Variants in FARS2 observed in about 807,000 individuals in gnomAD.
The protein encoded by FARS2 is phenylalanine--tRNA ligase, mitochondrial.
Under a neutral mutation model 46.4 loss-of-function variants are expected in FARS2, and 40 were observed. The observed-to-expected ratio is 0.86, with a 90% confidence interval of 0.67 to 1.12. The LOEUF (loss-of-function observed/expected upper bound fraction) is 1.12. Ranked by LOEUF, FARS2 falls within the 50% of genes most tolerant of loss-of-function variation. The pLI, the probability that FARS2 is intolerant of heterozygous loss-of-function variation, is 0.00. For synonymous variants in FARS2, 234 were observed against 214.9 expected (o/e 1.09, Z -0.78); for missense variants, 513 against 567.9 (o/e 0.90, Z 0.98).
intron 6 of FARS2, among the ~76,000 whole-genome samples, chr6:5,651,354 A>G (rs949548585): frequency 3.3e-5 from 5 of 152,194 alleles, no homozygotes; most frequent in Non-Finnish European, 7.3e-5. Context: ...GAGGAGCAGA[A>G]CCCTCGATTT....
intron 4 of FARS2, among the ~76,000 whole-genome samples, chr6:5,502,436 A>G (rs1343761321): frequency 1.3e-5 from 2 of 152,144 alleles, no homozygotes; most frequent in African/African-American, 2.4e-5. Context: ...TTTGGTCGCA[A>G]TTACTCTCTC....
chr6:5,412,143 C>T (rs1391372373), intron 3 of FARS2, among the ~76,000 whole-genome samples: 2 of 152,194 alleles, frequency 1.3e-5, no homozygotes, highest in Non-Finnish European at 2.9e-5. Context: ...TGAAATGCAC[C>T]TCCCAGCATG....
rs182873455 is a variant in FARS2 at position 5,401,464 on chromosome 6, G to C, written c.613-3078G>C. On this transcript the variant is annotated intron_variant, in intron 2 of 6. Coordinates refer to ENST00000274680, the MANE Select transcript of FARS2 (RefSeq NM_006567.5). ...CTGCTTTCTTCCATTGTTTAGTTAC[G>C]TTATTTCTACTTTGTCAGAACATAT... Among the ~76,000 whole-genome samples the C allele has an allele frequency of 9.2e-5, 14 of 152,034 alleles. 1 individual carries two copies. In the East Asian group the frequency reaches 2.5e-3, roughly 27 times the overall value.
intron 6 of FARS2, among the ~76,000 whole-genome samples, chr6:5,618,959 T>C (rs528641628): frequency 1.2e-4 from 18 of 152,372 alleles, no homozygotes; most frequent in Admixed American, 3.3e-4. Flanking sequence ...ATTTGTAATA[T>C]GAATACATTG....
intron 1 of FARS2, among the ~76,000 whole-genome samples, chr6:5,360,289 T>G (rs1258233595): frequency 1.3e-5 from 2 of 152,196 alleles, no homozygotes; most frequent in Non-Finnish European, 2.9e-5. Flanking sequence ...TTCATTCATT[T>G]TTTTCATTCA....
At chr6:5,426,299 A>G (rs1762846858) in intron 3 of FARS2, among the ~76,000 whole-genome samples, 1 of 152,210 alleles carries the variant, frequency 6.6e-6, no homozygotes. Context: ...TATGATTTGG[A>G]TATGCTTACT....
intron 6 of FARS2, among the ~76,000 whole-genome samples, chr6:5,620,647 T>C (rs1206550964): frequency 6.6e-6 from 1 of 152,248 alleles, no homozygotes; most frequent in Non-Finnish European, 1.5e-5. Flanking sequence ...TTTTGTCTTA[T>C]ACAGAGTTCA....
intron 1 of FARS2, among the ~76,000 whole-genome samples, chr6:5,320,516 GGACCACTTAAGGTGGTACTGT>G (rs1769894850): frequency 1.3e-5 from 2 of 152,124 alleles, no homozygotes; most frequent in Admixed American, 6.5e-5. Flanking sequence ...TGCATTCTTT[GGACCACTTAAGGTGGTACTGT>G]GACTGGCATG....
chr6:5,590,280 A>G (rs1198392186), intron 5 of FARS2, among the ~76,000 whole-genome samples: 1 of 152,118 alleles, frequency 6.6e-6, no homozygotes, highest in African/African-American at 2.4e-5. Flanking sequence ...GTGTTTCCCC[A>G]TGCACCGTAT....
At chr6:5,421,240 TTG>T (rs1297173851) in intron 3 of FARS2, among the ~76,000 whole-genome samples, 6 of 148,158 alleles carry the variant, frequency 4.0e-5, no homozygotes, top group Admixed American at 3.3e-4. Flanking sequence ...GAGCTCTACA[TTG>T]ACCCCTTTCA....
chr6:5,258,982 CAA>C (rs1561908970), upstream of FARS2, among the ~76,000 whole-genome samples: 2 of 152,142 alleles, frequency 1.3e-5, no homozygotes, highest in African/African-American at 4.8e-5. Context: ...AAATCATTTC[CAA>C]AGAGAATTTC....
At chr6:5,439,271 C>T (rs1384567188) in intron 4 of FARS2, among the ~76,000 whole-genome samples, 1 of 152,222 alleles carries the variant, frequency 6.6e-6, no homozygotes, top group Non-Finnish European at 1.5e-5. Context: ...CAGGTTTCCA[C>T]ATAGAATTCG....
At chr6:5,584,504 T>G (rs1773511047) in intron 5 of FARS2, among the ~76,000 whole-genome samples, 1 of 152,148 alleles carries the variant, frequency 6.6e-6, no homozygotes, top group African/African-American at 2.4e-5. Flanking sequence ...TTTTTAAAAT[T>G]AATTCCTCCT....
chr6:5,365,445 C>T (rs1758605058), intron 1 of FARS2, among the ~76,000 whole-genome samples: 1 of 146,942 alleles, frequency 6.8e-6, no homozygotes, highest in Non-Finnish European at 1.5e-5. Flanking sequence ...GTCCTCCTGC[C>T]TTAGCTCCCC....
chr6:5,306,444 T>A (rs1335298281), intron 1 of FARS2, among the ~76,000 whole-genome samples: 1 of 152,198 alleles, frequency 6.6e-6, no homozygotes, highest in Non-Finnish European at 1.5e-5. Context: ...CCATGGTGGC[T>A]TGAGGCCCCT....
At chr6:5,318,929 T>A (rs544685623) in intron 1 of FARS2, among the ~76,000 whole-genome samples, 1 of 152,268 alleles carries the variant, frequency 6.6e-6, no homozygotes, top group Non-Finnish European at 1.5e-5. Context: ...TGCATCGGCC[T>A]TAGGTTCCCT....
chr6:5,257,258 C>T (rs1333739085), upstream of FARS2, among the ~76,000 whole-genome samples: 2 of 152,140 alleles, frequency 1.3e-5, no homozygotes, highest in Non-Finnish European at 2.9e-5. Context: ...ACCGCCCCCC[C>T]AACCCCATCA....
chr6:5,260,788 C>T (rs922463099), upstream of FARS2: 7 of 1,534,880 alleles, frequency 4.6e-6, no homozygotes, highest in Admixed American at 9.9e-5. Flanking sequence ...CAAGTACGAC[C>T]CAACCCACGA....
At chr6:5,363,831 A>G (rs1469436771) in intron 1 of FARS2, among the ~76,000 whole-genome samples, 1 of 152,184 alleles carries the variant, frequency 6.6e-6, no homozygotes, top group African/African-American at 2.4e-5. Flanking sequence ...TTGCCCACTT[A>G]TATCTTGCTC....
Sources: allele counts gnomAD v4.1 joint callset (sites outside exome capture counted in the v4.1 genomes callset), GRCh38; gene constraint gnomAD v4.1.1; transcripts MANE v1.5; gene names NCBI Gene and HGNC (gene_info 2026-07-23, HGNC 2026-07-21).